MUCL1: variants seen among roughly 807,000 people sequenced by gnomAD.
MUCL1 encodes the protein mucin like 1, also known as mucin-like protein 1.
In MUCL1, 11 loss-of-function variants were observed where a neutral mutation model predicts 9.2. That is an observed-to-expected ratio of 1.19 (90% CI 0.75 to 1.97). The LOEUF (loss-of-function observed/expected upper bound fraction) is 1.97. MUCL1 is among the 30% of genes most tolerant of loss of function. MUCL1 has a pLI of 0.00. For missense variants in MUCL1, 144 were observed against 110.9 expected (o/e 1.30, Z -1.34); for synonymous variants, 48 against 40.5 (o/e 1.19, Z -0.71).
upstream of MUCL1, among the ~76,000 whole-genome samples, chr12:54,851,569 A>C (rs1352503873): frequency 1.3e-5 from 2 of 152,178 alleles, no homozygotes; most frequent in Non-Finnish European, 2.9e-5. Flanking sequence ...ATGGGCAAAA[A>C]CTGGAAGCAT....
At chr12:54,852,260 T>C (rs534198325), upstream of MUCL1, among the ~76,000 whole-genome samples, 6 of 152,214 alleles carry the variant, frequency 3.9e-5, no homozygotes, top group South Asian at 2.1e-4. Context: ...CAAACTATAC[T>C]ACAAGGCTAC....
chr12:54,841,515 T>C (rs572741800), intron 1 of MUCL1, among the ~76,000 whole-genome samples: 2 of 152,338 alleles, frequency 1.3e-5, no homozygotes, highest in East Asian at 1.9e-4. Flanking sequence ...CCGTACTTTG[T>C]CTTTTCAATA....
At position 54,856,832 on chromosome 12, in the gene MUCL1, A is replaced by C. The variant is rs764260065; in HGVS notation, c.163A>C (p.Thr55Pro). ...ETTAAATTAT[T>P]AAPTTATTAA... ...CACTGCTGCTGCAACCACTGCAACC[A>C]CTGCTGCTCCTACCACTGCAACCAC... The change falls in exon 3 of 4, where the codon ACT (threonine) becomes CCT (proline). Residue 55 changes from threonine (T) to proline (P), a missense_variant. Transcript: ENST00000308796. 1 of 1,612,834 alleles carries C rather than the reference A, an allele frequency of 6.2e-7. No individual in the cohort carries two copies. Among genetic ancestry groups the C allele is most frequent in the Non-Finnish European group, 8.5e-7 (1 of 1,179,156 alleles).
chr12:54,831,366 T>A (rs1959185148), intron 1 of MUCL1, among the ~76,000 whole-genome samples: 1 of 152,106 alleles, frequency 6.6e-6, no homozygotes, highest in Non-Finnish European at 1.5e-5. Flanking sequence ...CTTGGGTAAG[T>A]TTTTGGTAAA....
chr12:54,840,978 G>T (rs1959208872), intron 1 of MUCL1, among the ~76,000 whole-genome samples: 1 of 152,140 alleles, frequency 6.6e-6, no homozygotes, highest in Non-Finnish European at 1.5e-5. Context: ...TTGACCAGTA[G>T]CTCCCCTTTT....
chr12:54,838,712 T>C (rs1294288793), upstream of MUCL1, among the ~76,000 whole-genome samples: 1 of 152,194 alleles, frequency 6.6e-6, no homozygotes, highest in African/African-American at 2.4e-5. Context: ...TAGTCTATTG[T>C]TAAAACTTTC....
At chr12:54,840,072 G>T (rs557544875) in intron 1 of MUCL1, among the ~76,000 whole-genome samples, 2 of 152,314 alleles carry the variant, frequency 1.3e-5, no homozygotes, top group South Asian at 4.1e-4. Context: ...AGACTACTGT[G>T]AATGCTACTG....
chr12:54,854,807 C>T (rs1050802214), intron 1 of MUCL1, among the ~76,000 whole-genome samples, 167 bp downstream of exon 1: 2 of 152,186 alleles, frequency 1.3e-5, no homozygotes, highest in Non-Finnish European at 2.9e-5. Context: ...TATCCTTAGG[C>T]TCTTCTTAAT....
intron 1 of MUCL1, among the ~76,000 whole-genome samples, chr12:54,840,078 T>C (rs1174129734): frequency 6.6e-6 from 1 of 152,198 alleles, no homozygotes; most frequent in Admixed American, 6.5e-5. Context: ...CTGTGAATGC[T>C]ACTGCTCCTC....
chr12:54,833,856 A>C (rs964148876), intron 1 of MUCL1, among the ~76,000 whole-genome samples: 29 of 151,904 alleles, frequency 1.9e-4, no homozygotes, highest in Admixed American at 1.9e-3. Context: ...AGCATTAGGA[A>C]ATATACCTAA....
upstream of MUCL1, among the ~76,000 whole-genome samples, chr12:54,838,619 A>G (rs1164409947): frequency 3.3e-5 from 5 of 151,906 alleles, no homozygotes; most frequent in Non-Finnish European, 7.4e-5. Context: ...GCTCTTGTTC[A>G]TTTCTTTTAT....
chr12:54,857,347 T>C (rs1868308787), intron 3 of MUCL1, among the ~76,000 whole-genome samples: 1 of 151,386 alleles, frequency 6.6e-6, no homozygotes, highest in Admixed American at 6.6e-5. Flanking sequence ...AAATAGAAAA[T>C]AGCTTAACAA....
intron 1 of MUCL1, among the ~76,000 whole-genome samples, chr12:54,841,365 G>A (rs1959210602): frequency 6.6e-6 from 1 of 152,144 alleles, no homozygotes; most frequent in Admixed American, 6.6e-5. Flanking sequence ...ATACATAGAT[G>A]TATTGCTGGG....
intron 1 of MUCL1, among the ~76,000 whole-genome samples, chr12:54,844,991 T>G (rs75552507): frequency 0.013 from 1,639 of 127,828 alleles, 26 homozygotes; most frequent in African/African-American, 0.041. Flanking sequence ...TGACTATGTA[T>G]GAGGCACACT....
chr12:54,832,542 C>T (rs1024924427), intron 1 of MUCL1, among the ~76,000 whole-genome samples: 2 of 152,006 alleles, frequency 1.3e-5, no homozygotes, highest in Non-Finnish European at 2.9e-5. Flanking sequence ...TTTATTGTCA[C>T]TTTGGTTAAA....
At chr12:54,850,222 C>T (rs1033638536), upstream of MUCL1, among the ~76,000 whole-genome samples, 18 of 152,112 alleles carry the variant, frequency 1.2e-4, no homozygotes, top group African/African-American at 4.3e-4. Flanking sequence ...AGGTTTGTTA[C>T]ATATGTATAC....
upstream of MUCL1, among the ~76,000 whole-genome samples, chr12:54,835,999 A>C (rs1333626056): frequency 6.6e-6 from 1 of 151,724 alleles, no homozygotes; most frequent in Non-Finnish European, 1.5e-5. Flanking sequence ...TTTGTTGAGG[A>C]CTTTTGCATC....
chr12:54,832,340 T>C (rs1443756319), intron 1 of MUCL1, among the ~76,000 whole-genome samples: 2 of 152,092 alleles, frequency 1.3e-5, no homozygotes, highest in African/African-American at 2.4e-5. Flanking sequence ...TAATAAGAGA[T>C]TGTGAAAGGC....
chr12:54,846,982 G>T (rs1203945430), intron 1 of MUCL1, among the ~76,000 whole-genome samples: 1 of 152,114 alleles, frequency 6.6e-6, no homozygotes, highest in Non-Finnish European at 1.5e-5. Flanking sequence ...TGGTTTTCCT[G>T]CCTGCCTACC....
Sources: allele counts gnomAD v4.1 joint callset (sites outside exome capture counted in the v4.1 genomes callset), GRCh38; gene constraint gnomAD v4.1.1; transcripts MANE v1.5; gene names NCBI Gene and HGNC (gene_info 2026-07-23, HGNC 2026-07-21).